The following MGAT5 variants were observed in gnomAD, a reference collection of about 807,000 sequenced individuals.
MGAT5 encodes alpha-1,6-mannosylglycoprotein 6-beta-N-acetylglucosaminyltransferase A.
Under a neutral mutation model 94.3 loss-of-function variants are expected in MGAT5, and 30 were observed. That is an observed-to-expected ratio of 0.32 (90% CI 0.24 to 0.43). The LOEUF is 0.43. Among genes scored for constraint, MGAT5 ranks in the 20% least tolerant of loss-of-function variants. MGAT5 has a pLI of 1.00. For synonymous variants in MGAT5, 310 were observed against 322.9 expected, an observed-to-expected ratio of 0.96 and a Z score of 0.43; for missense variants, 691 against 905.5, an observed-to-expected ratio of 0.76 and a Z score of 3.04.
chr2:134,244,028 G>C (rs1435434656), intron 1 of MGAT5, among the ~76,000 whole-genome samples: 1 of 152,116 alleles, frequency 6.6e-6, no homozygotes, highest in East Asian at 1.9e-4. Flanking sequence ...TTTTTTTCTA[G>C]ATGTAGAGTG....
At position 134,270,421 on chromosome 2, in the gene MGAT5, A is replaced by G. The variant is rs1231409112; in HGVS notation, c.277A>G (p.Ile93Val). ...AACCCTTGCTGTGTTATTAGATAAC[A>G]TTTTGCAGCGCATTGGCAAGTTGGA... is the stretch of plus-strand genomic sequence containing the variant. Reference protein sequence around the residue: ...KKTLAVLLDNILQRIGKLESK... With the variant: ...KKTLAVLLDNVLQRIGKLESK... The change falls in exon 2 of 16, where the codon ATT becomes GTT. Residue 93 changes from isoleucine (I) to valine (V), a missense_variant. By Grantham distance (29) the Ile-to-Val change is conservative. Coordinates refer to ENST00000281923, the MANE Select transcript of MGAT5 (RefSeq NM_002410.5). 6.2e-7 allele frequency: 1 copy of G among 1,614,204 alleles called. No homozygotes were observed. The highest frequency in any genetic ancestry group is 8.5e-7 in the Non-Finnish European group (1 of 1,180,006).
At chr2:134,203,493 G>GT (rs901678445) in intron 1 of MGAT5, among the ~76,000 whole-genome samples, 3 of 151,432 alleles carry the variant, frequency 2.0e-5, no homozygotes, top group Non-Finnish European at 2.9e-5. Flanking sequence ...TACATTAAAT[G>GT]TTTTTTTTCC....
intron 1 of MGAT5, among the ~76,000 whole-genome samples, chr2:134,265,180 C>T (rs929560524): frequency 6.6e-6 from 1 of 152,196 alleles, no homozygotes; most frequent in African/African-American, 2.4e-5. Flanking sequence ...CAAGCATGGC[C>T]ATTTTTGATA....
intron 1 of MGAT5, among the ~76,000 whole-genome samples, chr2:134,173,333 T>TC (rs1688311298): frequency 6.6e-6 from 1 of 152,170 alleles, no homozygotes; most frequent in Non-Finnish European, 1.5e-5. Flanking sequence ...AGTCTGCTCT[T>TC]CAAGGGTTGC....
chr2:134,185,937 C>T (rs1430925136), intron 1 of MGAT5, among the ~76,000 whole-genome samples: 7 of 152,156 alleles, frequency 4.6e-5, no homozygotes, highest in Admixed American at 6.5e-5. Context: ...GTTGCAGGAT[C>T]GCCTGGTGTT....
chr2:134,231,762 G>A (rs1382495386), intron 1 of MGAT5, among the ~76,000 whole-genome samples: 1 of 152,158 alleles, frequency 6.6e-6, no homozygotes, highest in African/African-American at 2.4e-5. Context: ...AGATCACTGG[G>A]TTTGTGGCTG....
chr2:134,131,956 G>A (rs1190727276), intron 1 of MGAT5, among the ~76,000 whole-genome samples: 1 of 152,306 alleles, frequency 6.6e-6, no homozygotes, highest in East Asian at 1.9e-4. Context: ...GCTGTGTGCT[G>A]TCTCCTGAGC....
intron 1 of MGAT5, among the ~76,000 whole-genome samples, chr2:134,164,694 C>T (rs549142770): frequency 3.3e-5 from 5 of 152,148 alleles, no homozygotes; most frequent in South Asian, 4.1e-4. Flanking sequence ...GACTTAACTC[C>T]TCCAGAAATG....
chr2:134,187,811 T>A (rs892541785), intron 1 of MGAT5, among the ~76,000 whole-genome samples: 2 of 152,064 alleles, frequency 1.3e-5, no homozygotes, highest in African/African-American at 4.8e-5. Flanking sequence ...CGTGACTGCC[T>A]GAGGTTTTAA....
chr2:134,336,173 A>C (rs762414219), intron 4 of MGAT5, 44 bp from the exon 5 acceptor site: 9 of 1,501,036 alleles, frequency 6.0e-6, no homozygotes, highest in Non-Finnish European at 8.3e-6. Flanking sequence ...ATATTAATTC[A>C]TTATAGATGA....
intron 2 of MGAT5, among the ~76,000 whole-genome samples, chr2:134,278,785 T>TAC (rs2105701061): frequency 6.6e-6 from 1 of 152,302 alleles, no homozygotes; most frequent in African/African-American, 2.4e-5. Context: ...TTCATGCTCT[T>TAC]ACACACTTAA....
At chr2:134,148,549 A>T (rs1687027359) in intron 1 of MGAT5, among the ~76,000 whole-genome samples, 1 of 152,226 alleles carries the variant, frequency 6.6e-6, no homozygotes, top group African/African-American at 2.4e-5. Flanking sequence ...GCAGGAGAGC[A>T]TGGCTCTCTC....
Position 134,448,981 on chromosome 2 carries a change from G to C in MGAT5, c.*134G>C, listed in dbSNP as rs1685953022. On this transcript the variant is annotated 3_prime_UTR_variant, in exon 16 of 16. Coordinates refer to ENST00000281923, the MANE Select transcript of MGAT5 (RefSeq NM_002410.5). Reference sequence around the variant, plus strand: ...ACTTTTTCGTAGAAGGTTCTGAATTGGCATTGCCCTTGCTGCACTCCGAGC... The same window carrying C: ...ACTTTTTCGTAGAAGGTTCTGAATTCGCATTGCCCTTGCTGCACTCCGAGC... 3 of 881,130 alleles carry C rather than the reference G, an allele frequency of 3.4e-6. No homozygotes were observed. Among genetic ancestry groups the C allele is most frequent in the Non-Finnish European group, 5.2e-6 (3 of 579,486 alleles). 54.6% of individuals were successfully genotyped at this position (881,130 alleles called of 1,614,324 possible).
At chr2:134,391,338 A>G (rs577808122) in intron 10 of MGAT5, among the ~76,000 whole-genome samples, 36 of 152,180 alleles carry the variant, frequency 2.4e-4, no homozygotes, top group Non-Finnish European at 4.1e-4. Flanking sequence ...AGTGTCTTGA[A>G]CAAAGACTGG....
At chr2:134,183,011 C>T (rs896582845) in intron 1 of MGAT5, among the ~76,000 whole-genome samples, 1 of 151,964 alleles carries the variant, frequency 6.6e-6, no homozygotes, top group African/African-American at 2.4e-5. Flanking sequence ...AGGATGGTCT[C>T]GATCTCCTGA....
intron 10 of MGAT5, among the ~76,000 whole-genome samples, chr2:134,382,244 C>T (rs1681674239): frequency 6.6e-6 from 1 of 151,578 alleles, no homozygotes; most frequent in Non-Finnish European, 1.5e-5. Flanking sequence ...AACAGCAATA[C>T]CCTGTCTAAA....
intron 1 of MGAT5, among the ~76,000 whole-genome samples, chr2:134,155,917 C>G (rs938180961): frequency 1.3e-5 from 2 of 152,130 alleles, no homozygotes; most frequent in African/African-American, 4.8e-5. Flanking sequence ...TCCCTGGACC[C>G]CTCAGCTGAG....
intron 10 of MGAT5, among the ~76,000 whole-genome samples, chr2:134,373,237 G>A (rs543815881): frequency 2.6e-4 from 39 of 152,326 alleles, no homozygotes; most frequent in Admixed American, 1.0e-3. Context: ...TGTTCTCCAT[G>A]GACAAGGAGG....
At chr2:134,248,867 C>G (rs1682430408) in intron 1 of MGAT5, among the ~76,000 whole-genome samples, 1 of 152,140 alleles carries the variant, frequency 6.6e-6, no homozygotes, top group Non-Finnish European at 1.5e-5. Flanking sequence ...TGGATGGCCA[C>G]CTGGAGGAAC....
Sources: gnomAD v4.1 joint callset for allele counts (sites outside exome capture counted in the v4.1 genomes callset) on GRCh38, gnomAD v4.1.1 for gene constraint, MANE v1.5 for transcripts, NCBI Gene and HGNC (gene_info 2026-07-23, HGNC 2026-07-21) for gene names.